The following SVIL variants were observed in gnomAD, a reference collection of about 807,000 sequenced individuals.
SVIL encodes the protein supervillin.
A neutral mutation model predicts 240.4 loss-of-function variants in SVIL; 101 were observed. The ratio of observed to expected loss-of-function variants is 0.42; its 90% CI spans 0.36 to 0.50. The LOEUF (loss-of-function observed/expected upper bound fraction) is 0.50, where lower values mean the gene tolerates loss of function less well. SVIL is among the 20% of genes least tolerant of loss of function. The pLI, the probability that SVIL is intolerant of heterozygous loss-of-function variation, is 0.01. For missense variants in SVIL, 2,512 were observed against 2,818.7 expected, an observed-to-expected ratio of 0.89 and a Z score of 2.46; for synonymous variants, 999 against 1,100.0, an observed-to-expected ratio of 0.91 and a Z score of 1.82.
intron 1 of SVIL, among the ~76,000 whole-genome samples, chr10:29,729,830 T>G (rs555493616): frequency 2.9e-5 from 2 of 68,138 alleles, no homozygotes; most frequent in South Asian, 1.4e-3. Context: ...TGAGACTCCA[T>G]CTCAAAAAAA....
intron 2 of SVIL, among the ~76,000 whole-genome samples, chr10:29,675,202 C>G (rs1181105349): frequency 2.0e-5 from 3 of 152,166 alleles, no homozygotes; most frequent in Non-Finnish European, 4.4e-5. Context: ...ACCACCATTT[C>G]TAGAAACCAG....
chr10:29,597,346 G>A (rs1589353048), intron 1 of SVIL, among the ~76,000 whole-genome samples: 1 of 152,244 alleles, frequency 6.6e-6, no homozygotes, highest in African/African-American at 2.4e-5. Context: ...AAGGGTAAAT[G>A]CCTCCTTTTT....
intron 6 of SVIL, among the ~76,000 whole-genome samples, chr10:29,549,175 A>C (rs967450425): frequency 8.5e-5 from 11 of 130,000 alleles, no homozygotes; most frequent in East Asian, 2.2e-4. Flanking sequence ...TACAAAAAAA[A>C]AAACAAACAA....
upstream of SVIL, among the ~76,000 whole-genome samples, chr10:29,635,379 G>A (rs1958273111): frequency 6.6e-6 from 1 of 152,174 alleles, no homozygotes; most frequent in Non-Finnish European, 1.5e-5. Flanking sequence ...TGATATAATG[G>A]CACATGTCTC....
In SVIL at chr10:29,646,165, C is replaced by T. The variant is rs184274070; in HGVS notation, c.-201+11804G>A. Among the ~76,000 whole-genome samples the T allele has an allele frequency of 2.4e-3, 366 of 152,308 alleles. 3 individuals carry two copies. The highest frequency in any genetic ancestry group is 8.4e-3 in the African/African-American group (348 of 41,572). ...AATGCGTATGCTCCAGGGAAAATGACAAGGCAATGAGTTCTTTTCCAAAGG... is the reference window on the plus strand; with the variant it reads ...AATGCGTATGCTCCAGGGAAAATGATAAGGCAATGAGTTCTTTTCCAAAGG... On this transcript the variant is annotated intron_variant, in intron 3 of 35. Coordinates refer to the SVIL transcript ENST00000375400.
chr10:29,470,970 C>T (rs374270621), intron 31 of SVIL, among the ~76,000 whole-genome samples, 168 bp downstream of exon 31: 6 of 152,090 alleles, frequency 3.9e-5, no homozygotes, highest in Admixed American at 3.9e-4. Flanking sequence ...CAGGGAGAGG[C>T]GGGTCATGAG....
chr10:29,640,179 T>C (rs1425437889), intron 3 of SVIL, among the ~76,000 whole-genome samples: 1 of 152,148 alleles, frequency 6.6e-6, no homozygotes, highest in Non-Finnish European at 1.5e-5. Flanking sequence ...CAGCAAGTTT[T>C]GTCATTGGAT....
chr10:29,632,504 AG>A (rs1447261740), intron 1 of SVIL, among the ~76,000 whole-genome samples: 2 of 151,768 alleles, frequency 1.3e-5, no homozygotes, highest in African/African-American at 4.8e-5. Context: ...AAAAAAAAAA[AG>A]AAAAAAGAAA....
chr10:29,615,753 T>C (rs1391754822), intron 1 of SVIL, among the ~76,000 whole-genome samples: 6 of 152,232 alleles, frequency 3.9e-5, no homozygotes, highest in Non-Finnish European at 7.3e-5. Context: ...CAGTAATGGT[T>C]AGAAGTCCTA....
At chr10:29,638,221 G>A (rs1305853499), upstream of SVIL, among the ~76,000 whole-genome samples, 1 of 152,130 alleles carries the variant, frequency 6.6e-6, no homozygotes, top group Non-Finnish European at 1.5e-5. Flanking sequence ...CAGAACTTTG[G>A]GAGGCTGTGG....
At chr10:29,664,678 A>T (rs1203801063) in intron 2 of SVIL, among the ~76,000 whole-genome samples, 1 of 139,564 alleles carries the variant, frequency 7.2e-6, no homozygotes, top group Non-Finnish European at 1.5e-5. Context: ...TCGTAATTTT[A>T]TATATATATA....
chr10:29,473,731 T>A lies in SVIL; in HGVS notation c.5529+107A>T, dbSNP rs564052672. ...GACTGAAGTGCTTTGGGTGACGTGG[T>A]CTTCCATTATCAGAATCATGTTGGG... On this transcript the variant is annotated intron_variant, in intron 30 of 37. Coordinates refer to ENST00000355867, the MANE Select transcript of SVIL (RefSeq NM_021738.3). 245 of 1,465,912 alleles carry A rather than the reference T, an allele frequency of 1.7e-4. No individual in the cohort carries two copies. In the Admixed American group the frequency reaches 1.8e-3, roughly 11 times the overall value. 90.8% of individuals were successfully genotyped at this position (1,465,912 alleles called of 1,614,324 possible).
chr10:29,495,243 C>T, intron 18 of SVIL, 62 bp from the exon 19 acceptor site: 2 of 937,562 alleles, frequency 2.1e-6, no homozygotes, highest in Non-Finnish European at 3.1e-6. Flanking sequence ...TCTCCGGGAC[C>T]CTGGTGGATC....
intron 2 of SVIL, among the ~76,000 whole-genome samples, chr10:29,668,918 GT>G (rs1350091610): frequency 3.9e-5 from 6 of 152,158 alleles, no homozygotes; most frequent in African/African-American, 1.4e-4. Flanking sequence ...AAGGATTCCA[GT>G]TTTTTTCTAG....
intron 30 of SVIL, among the ~76,000 whole-genome samples, chr10:29,472,980 A>G (rs1261243755): frequency 1.3e-5 from 2 of 152,174 alleles, no homozygotes; most frequent in African/African-American, 4.8e-5. Context: ...AACCTGCCTC[A>G]TAAGAGGCTG....
intron 1 of SVIL, among the ~76,000 whole-genome samples, chr10:29,710,425 T>TTA (rs1963197796): frequency 6.6e-6 from 1 of 152,196 alleles, no homozygotes; most frequent in Non-Finnish European, 1.5e-5. Context: ...AAATCAATGA[T>TTA]TGTTTAAAGT....
rs754440548 is a variant in SVIL, at chr10:29,488,663, G to A, written c.4286C>T (p.Thr1429Met). 13 of 1,612,864 alleles carry A rather than the reference G, an allele frequency of 8.1e-6. No homozygotes were observed. The highest frequency in any genetic ancestry group is 3.3e-5 in the South Asian group (3 of 90,688). Reference sequence around the variant, plus strand: ...GGCGCTGTTGTTAGAGTTCTGTTCCGTCAGGTTGACGCTCCGCAGGCTGAC... The same window carrying A: ...GGCGCTGTTGTTAGAGTTCTGTTCCATCAGGTTGACGCTCCGCAGGCTGAC... ...SNVSLRSVNLTEQNSNNSAVP... is the reference protein window; with the variant it reads ...SNVSLRSVNLMEQNSNNSAVP... Residue 1429 changes from threonine to methionine, a missense_variant, in exon 23 of 38, where the codon ACG (threonine) becomes ATG (methionine). Thr to Met is a moderately conservative substitution (Grantham distance 81). Around this residue, in one of 3 missense-constraint regions of SVIL, gnomAD observed 272 missense variants for 406.8 expected, o/e 0.67. Coordinates refer to ENST00000355867, the MANE Select transcript of SVIL (RefSeq NM_021738.3).
At chr10:29,672,741 C>G (rs1395818124) in intron 2 of SVIL, among the ~76,000 whole-genome samples, 1 of 148,618 alleles carries the variant, frequency 6.7e-6, no homozygotes, top group East Asian at 2.0e-4. Flanking sequence ...TTCCTCTTGG[C>G]ACCCTAAATT....
chr10:29,695,237 T>C (rs969369834), intron 1 of SVIL, among the ~76,000 whole-genome samples: 1 of 152,124 alleles, frequency 6.6e-6, no homozygotes, highest in Admixed American at 6.5e-5. Context: ...GATTCCCAAT[T>C]AGTAATTTTG....
Sources: gnomAD v4.1 joint callset for allele counts (sites outside exome capture counted in the v4.1 genomes callset) on GRCh38, gnomAD v4.1.1 for gene constraint, gnomAD v4.1.1 regional missense constraint, MANE v1.5 for transcripts, NCBI Gene and HGNC (gene_info 2026-07-23, HGNC 2026-07-21) for gene names.